The following CCDC91 variants were observed in gnomAD, a reference collection of about 807,000 sequenced individuals.
CCDC91 encodes coiled-coil domain-containing protein 91.
Under a neutral mutation model 63.2 loss-of-function variants are expected in CCDC91, and 48 were observed. That is an observed-to-expected ratio of 0.76 (90% CI 0.60 to 0.97). The LOEUF (loss-of-function observed/expected upper bound fraction) is 0.97. Among genes scored for constraint, CCDC91 ranks in the 50% least tolerant of loss-of-function variants. CCDC91 has a pLI of 0.00. For missense variants in CCDC91, 500 were observed against 494.6 expected (o/e 1.01, Z -0.10); for synonymous variants, 167 against 165.8 (o/e 1.01, Z -0.06).
rs564861040 is a variant in CCDC91 at position 28,503,851 on chromosome 12, C to T, written c.1215+19686C>T. On this transcript the variant is annotated intron_variant, in intron 12 of 12. Transcript: ENST00000536442. ...ATCACAAGGACAAAAAACCAAACAC[C>T]ACATGTTCTCACTCATAGGTAGGAA... 1.6e-3 allele frequency among the ~76,000 whole-genome samples: 250 copies of T among 151,704 alleles called. 1 individual carries two copies. Among genetic ancestry groups the T allele is most frequent in the Non-Finnish European group, 2.8e-3 (192 of 67,900 alleles).
Position 28,430,512 on chromosome 12 carries a change from A to G in CCDC91, c.763-19649A>G, listed in dbSNP as rs536089838. 2.6e-5 allele frequency among the ~76,000 whole-genome samples: 4 copies of G among 152,242 alleles called. No homozygotes were observed. In the South Asian group the frequency reaches 8.3e-4, roughly 32 times the overall value. On this transcript the variant is annotated intron_variant, in intron 8 of 12. Transcript: ENST00000536442. ...ATTACATTGAATTTGTTATGAAGAAATTACATACTGTATATATTAGAATAA... is the reference window on the plus strand; with the variant it reads ...ATTACATTGAATTTGTTATGAAGAAGTTACATACTGTATATATTAGAATAA...
chr12:28,543,062 G>A (rs560804312), intron 12 of CCDC91, among the ~76,000 whole-genome samples: 1 of 152,154 alleles, frequency 6.6e-6, no homozygotes, highest in African/African-American at 2.4e-5. Context: ...CCATGCCTCT[G>A]TCTTAGCTTC....
chr12:28,243,007 TTCCTGTACAA>T (rs142775797), intron 1 of CCDC91, among the ~76,000 whole-genome samples: 7,440 of 152,224 alleles, frequency 0.049, 540 homozygotes, highest in African/African-American at 0.16. Flanking sequence ...CCAACATTGT[TTCCTGTACAA>T]TCCTGTACAA....
In CCDC91 at chr12:28,259,361, T is replaced by A; in HGVS notation, c.31-3T>A. 6.2e-7 allele frequency: 1 copy of A among 1,609,220 alleles called. No individual in the cohort carries two copies. The highest frequency in any genetic ancestry group is 1.1e-5 in the South Asian group (1 of 90,848). On this transcript the variant is annotated splice_polypyrimidine_tract_variant and splice_region_variant and intron_variant, in intron 2 of 12. Transcript: ENST00000536442. The stretch of plus-strand genomic sequence containing the variant: ...CTAAAATAATCTTGCCTTTGTCTTG[T>A]AGGCTGCGGAGACTTTTGATGGTGG...
chr12:28,300,182 G>A (rs1377793067), intron 3 of CCDC91, among the ~76,000 whole-genome samples: 7 of 151,484 alleles, frequency 4.6e-5, no homozygotes, highest in Middle Eastern at 6.8e-3. Context: ...TTCTCCTAGG[G>A]TATATGATCT....
Position 28,549,700 on chromosome 12 carries a change from A to G in CCDC91, c.*527A>G, listed in dbSNP as rs1423374969. 6.6e-6 allele frequency: 1 copy of G among 152,146 alleles called. No individual in the cohort carries two copies. The highest frequency in any genetic ancestry group is 2.4e-5 in the African/African-American group (1 of 41,450). The allele number at this position is 152,146 out of a possible 1,614,324, so 9.4% of individuals were successfully genotyped here. A position where few individuals can be genotyped will look rare whatever the true frequency, so the allele number is the denominator to read the frequency against. ...CCTAACCTCTTCTGCAGTTGGATCT[A>G]TGTATTTTCATTGGTCTACTGAAAA... On this transcript the variant is annotated 3_prime_UTR_variant, in exon 13 of 13. Coordinates refer to ENST00000536442, the MANE Select transcript of CCDC91 (RefSeq NM_018318.5).
At chr12:28,452,411 A>C (rs1949851170) in intron 10 of CCDC91, 67 bp from the exon 11 acceptor site, 1 of 1,118,496 alleles carries the variant, frequency 8.9e-7, no homozygotes, top group South Asian at 1.5e-5. Context: ...TAGGTTAACC[A>C]AGTCTGTTAC....
At chr12:28,342,114 A>T (rs1324175611) in intron 6 of CCDC91, among the ~76,000 whole-genome samples, 3 of 152,198 alleles carry the variant, frequency 2.0e-5, no homozygotes, top group Admixed American at 6.5e-5. Context: ...GGTGAGAGAC[A>T]CAAAGAAGCA....
chr12:28,431,869 T>G (rs1228217586), intron 8 of CCDC91, among the ~76,000 whole-genome samples: 1 of 152,028 alleles, frequency 6.6e-6, no homozygotes, highest in East Asian at 1.9e-4. Flanking sequence ...TGCTCTAAAA[T>G]TTCTCAGTGT....
chr12:28,300,553 G>T lies in CCDC91; in HGVS notation c.110-5096G>T, dbSNP rs1471539889. ...TAATTTAGTATATTTTAATAAGAGG[G>T]AATGGTATTCCTCATATAGCTTTTC... On this transcript the variant is annotated intron_variant, in intron 3 of 12. Transcript: ENST00000536442. Among the ~76,000 whole-genome samples, 5 of 151,416 alleles carry T rather than the reference G, an allele frequency of 3.3e-5. 1 individual carries two copies. Among genetic ancestry groups the T allele is most frequent in the Non-Finnish European group, 7.4e-5 (5 of 67,496 alleles).
At chr12:28,496,937 T>TATATGC (rs1166512549) in intron 12 of CCDC91, among the ~76,000 whole-genome samples, 14 of 143,510 alleles carry the variant, frequency 9.8e-5, no homozygotes, top group Admixed American at 2.1e-4. Context: ...TATACATATA[T>TATATGC]ATATACATAT....
chr12:28,264,537 GTA>G (rs1475093646), intron 3 of CCDC91, among the ~76,000 whole-genome samples: 3 of 147,424 alleles, frequency 2.0e-5, no homozygotes, highest in Non-Finnish European at 4.5e-5. Context: ...ATGTATATAT[GTA>G]TATATATGTG....
rs74615933 is a variant in CCDC91 at position 28,357,110 on chromosome 12, G to A, written c.577-5328G>A. Among the ~76,000 whole-genome samples, 1,329 of 152,232 alleles carry A rather than the reference G, an allele frequency of 8.7e-3. 18 individuals are homozygous for A. The highest frequency in any genetic ancestry group is 0.028 in the East Asian group (143 of 5,190). On this transcript the variant is annotated intron_variant, in intron 6 of 12. Coordinates refer to ENST00000536442, the MANE Select transcript of CCDC91 (RefSeq NM_018318.5). ...AAGCCTTGGTTCAGATATTCATATC[G>A]TGTATTGTCATCAATATACCAGTGA... is the stretch of plus-strand genomic sequence containing the variant.
intron 6 of CCDC91, among the ~76,000 whole-genome samples, chr12:28,320,232 A>G (rs768361785): frequency 2.2e-4 from 33 of 151,904 alleles, no homozygotes; most frequent in Non-Finnish European, 4.3e-4. Context: ...TCCATATGCT[A>G]TTAGGTTGTT....
chr12:28,407,943 GATATATACAT>G (rs1333090684), intron 8 of CCDC91, among the ~76,000 whole-genome samples: 1 of 37,466 alleles, frequency 2.7e-5, no homozygotes, highest in South Asian at 1.1e-3. Flanking sequence ...CATATACATA[GATATATACAT>G]ATATATATAT....
intron 1 of CCDC91, among the ~76,000 whole-genome samples, chr12:28,199,532 A>G (rs1942047269): frequency 6.6e-6 from 1 of 152,086 alleles, no homozygotes. Context: ...AGTTATCTTT[A>G]CCAGTGTTCT....
chr12:28,460,308 A>T (rs557880254), intron 11 of CCDC91, among the ~76,000 whole-genome samples: 2 of 152,128 alleles, frequency 1.3e-5, no homozygotes, highest in African/African-American at 4.8e-5. Flanking sequence ...ACGTTCTCTC[A>T]TATGAGACTG....
chr12:28,304,076 A>T (rs1938377815), intron 3 of CCDC91, among the ~76,000 whole-genome samples: 2 of 151,932 alleles, frequency 1.3e-5, no homozygotes, highest in Non-Finnish European at 2.9e-5. Context: ...TCTGTATTTG[A>T]GTTAAAGAAT....
intron 4 of CCDC91, 53 bp downstream of exon 4, chr12:28,305,859 C>A: frequency 7.0e-7 from 1 of 1,425,794 alleles, no homozygotes; most frequent in Non-Finnish European, 9.6e-7. Context: ...AAATTGCCTG[C>A]TAATTTAATT....
Sources: gnomAD v4.1 joint callset for allele counts (sites outside exome capture counted in the v4.1 genomes callset) on GRCh38, gnomAD v4.1.1 for gene constraint, MANE v1.5 for transcripts, NCBI Gene and HGNC (gene_info 2026-07-23, HGNC 2026-07-21) for gene names.